The following TTLL6 variants were observed in gnomAD, a reference collection of about 807,000 sequenced individuals.
The protein encoded by TTLL6 is tubulin tyrosine ligase like 6.
TTLL6 carries 75 observed loss-of-function variants against 96.4 expected under a neutral mutation model. The ratio of observed to expected loss-of-function variants is 0.78; its 90% CI spans 0.65 to 0.94. TTLL6 has a LOEUF of 0.94. TTLL6 is among the 40% of genes least tolerant of loss of function. TTLL6 has a pLI of 0.00. For missense variants in TTLL6, 1,030 were observed against 1,093.0 expected, an observed-to-expected ratio of 0.94 and a Z score of 0.81; for synonymous variants, 411 against 419.4, an observed-to-expected ratio of 0.98 and a Z score of 0.24.
At chr17:48,794,280 T>A in intron 8 of TTLL6, 3 of 1,613,730 alleles carry the variant, frequency 1.9e-6, no homozygotes, top group Admixed American at 1.7e-5. Context: ...CCAATTCTCA[T>A]TGGAGGAGGA....
At position 48,769,104 on chromosome 17, in the gene TTLL6, A is replaced by T. The variant is rs1012993784; in HGVS notation, c.2561T>A (p.Leu854Gln). Residue 854 changes from leucine (L) to glutamine (Q), a missense_variant, in exon 15 of 16, where the codon CTG becomes CAG. Leu to Gln is a moderately radical substitution (Grantham distance 113). Transcript: ENST00000393382. ...GTGGCTTCTACAAGGCCTTGGATCCAGTTGGGCTGGAGTGGCAATCACCAG... is the reference window on the plus strand; with the variant it reads ...GTGGCTTCTACAAGGCCTTGGATCCTGTTGGGCTGGAGTGGCAATCACCAG... ...DLLVIATPAQLDPRPCRSHAS... is the reference protein window; with the variant it reads ...DLLVIATPAQQDPRPCRSHAS... The T allele has an allele frequency of 6.2e-7, 1 of 1,614,076 alleles. No individual in the cohort carries two copies. Among genetic ancestry groups the T allele is most frequent in the African/African-American group, 1.3e-5 (1 of 74,928 alleles).
intron 8 of TTLL6, chr17:48,794,158 G>T: frequency 6.2e-7 from 1 of 1,612,800 alleles, no homozygotes; most frequent in South Asian, 1.1e-5. Flanking sequence ...AAGAGGACAG[G>T]GGAAATGGAA....
chr17:48,797,647 C>T (rs1334672467), intron 6 of TTLL6, among the ~76,000 whole-genome samples: 2 of 151,880 alleles, frequency 1.3e-5, no homozygotes, highest in African/African-American at 2.4e-5. Flanking sequence ...ATTTGCCAGG[C>T]GCGGTGGTGG....
intron 13 of TTLL6, among the ~76,000 whole-genome samples, chr17:48,781,475 A>AT (rs1353359942): frequency 6.6e-6 from 1 of 151,972 alleles, no homozygotes; most frequent in African/African-American, 2.4e-5. Flanking sequence ...TCTGTTTTTC[A>AT]TTTTTTTAAA....
chr17:48,813,622 G>A (rs954352365), intron 1 of TTLL6, among the ~76,000 whole-genome samples: 7 of 152,098 alleles, frequency 4.6e-5, no homozygotes, highest in African/African-American at 1.7e-4. Flanking sequence ...TTTCCTTAAA[G>A]TCAACTGCTT....
chr17:48,803,970 C>T, intron 2 of TTLL6, 42 bp from the exon 3 acceptor site: 3 of 1,547,474 alleles, frequency 1.9e-6, no homozygotes, highest in Non-Finnish European at 2.6e-6. Flanking sequence ...GACAGAGACA[C>T]ACTTGCCAGA....
At chr17:48,794,533 CAG>C (rs1321810413) in intron 8 of TTLL6, among the ~76,000 whole-genome samples, 1 of 152,134 alleles carries the variant, frequency 6.6e-6, no homozygotes, top group Non-Finnish European at 1.5e-5. Flanking sequence ...CTAGACCTCC[CAG>C]AGTGCCACGC....
Position 48,810,848 on chromosome 17 carries a change from T to C in TTLL6, c.104-5857A>G, listed in dbSNP as rs1053626777. ...GTGTATATATATATATATATATATA[T>C]ATATATAGTATGTGTGTGTATATAT... On this transcript the variant is annotated intron_variant, in intron 1 of 15. Coordinates refer to ENST00000393382, the MANE Select transcript of TTLL6 (RefSeq NM_001130918.3). Among the ~76,000 whole-genome samples the C allele has an allele frequency of 9.1e-3, 1,074 of 118,292 alleles. 2 individuals are homozygous for C. Among genetic ancestry groups the C allele is most frequent in the East Asian group, 0.086 (146 of 1,700 alleles). The allele number at this position is 118,292 out of a possible 152,430, so 77.6% of individuals were successfully genotyped here.
rs199897823 is a variant in TTLL6, at chr17:48,786,251, T to G, written c.1674A>C (p.Ala558=). The G allele has an allele frequency of 8.7e-6, 14 of 1,614,248 alleles. No homozygotes were observed. The East Asian group carries it at 3.1e-4, about 36-fold the overall frequency. The change falls in exon 12 of 16, where the codon GCA becomes GCC. Residue 558 remains alanine (A), a synonymous_variant. Coordinates refer to ENST00000393382, the MANE Select transcript of TTLL6 (RefSeq NM_001130918.3). ...KKKVEMQGES[A]GEQVRKKGMR... The stretch of plus-strand genomic sequence containing the variant: ...TGCCCTTCTTTCTCACTTGCTCGCC[T>G]GCCGATTCCCCCTGCATCTCTACCT...
chr17:48,795,649 A>G (rs913714085), intron 8 of TTLL6, among the ~76,000 whole-genome samples: 1 of 152,176 alleles, frequency 6.6e-6, no homozygotes, highest in Non-Finnish European at 1.5e-5. Flanking sequence ...AGAATCTCTA[A>G]TGGAGCAACG....
At chr17:48,803,986 T>A in intron 2 of TTLL6, 58 bp from the exon 3 acceptor site, 1 of 1,534,780 alleles carries the variant, frequency 6.5e-7, no homozygotes, top group South Asian at 1.2e-5. Flanking sequence ...CCAGAACAAG[T>A]GACTGTATCC....
At chr17:48,773,281 A>G (rs953309865) in intron 13 of TTLL6, among the ~76,000 whole-genome samples, 5 of 152,240 alleles carry the variant, frequency 3.3e-5, no homozygotes, top group African/African-American at 1.2e-4. Flanking sequence ...GCAGCAAAAG[A>G]TTTTGAATAA....
chr17:48,794,131 A>G, intron 8 of TTLL6: 1 of 1,602,086 alleles, frequency 6.2e-7, no homozygotes. Flanking sequence ...GTGGGGTGAG[A>G]GGGAGATGAA....
In TTLL6 at chr17:48,786,229, CCTT is replaced by C; in HGVS notation, c.1693_1695del (p.Lys565del). ...TGTTTCTGTTGCCAGCCCCTCATGC[CCTT>C]CTTTCTCACTTGCTCGCCTGCCGAT... is the stretch of plus-strand genomic sequence containing the variant. On this transcript the variant is annotated inframe_deletion, in exon 12 of 16. Transcript: ENST00000393382. 2 of 1,614,198 alleles carry C rather than the reference CCTT, an allele frequency of 1.2e-6. No homozygotes were observed. Among genetic ancestry groups the C allele is most frequent in the Non-Finnish European group, 1.7e-6 (2 of 1,180,038 alleles).
At position 48,803,234 on chromosome 17, in the gene TTLL6, C is replaced by T. The variant is rs539832912; in HGVS notation, c.361+657G>A. Among the ~76,000 whole-genome samples, 27 of 152,214 alleles carry T rather than the reference C, an allele frequency of 1.8e-4. No individual in the cohort carries two copies. In the South Asian group the frequency reaches 5.6e-3, roughly 32 times the overall value. Reference sequence around the variant, plus strand: ...CAAGAGCCGGGCACAGTGGCTCACACCTATAATCCCAGCACTTTGGGAGGC... The same window carrying T: ...CAAGAGCCGGGCACAGTGGCTCACATCTATAATCCCAGCACTTTGGGAGGC... On this transcript the variant is annotated intron_variant, in intron 3 of 15. Coordinates refer to ENST00000393382, the MANE Select transcript of TTLL6 (RefSeq NM_001130918.3).
intron 13 of TTLL6, 137 bp from the exon 14 acceptor site, chr17:48,770,234 T>G: frequency 2.4e-6 from 3 of 1,234,568 alleles, no homozygotes; most frequent in Non-Finnish European, 3.3e-6. Context: ...GCTCAAGTGA[T>G]GCTCCTGCCT....
intron 14 of TTLL6, 95 bp from the exon 15 acceptor site, chr17:48,769,349 T>A: frequency 7.1e-7 from 1 of 1,406,374 alleles, no homozygotes; most frequent in Non-Finnish European, 9.6e-7. Context: ...TCCCATGGCC[T>A]GTAACTGCCA....
intron 13 of TTLL6, among the ~76,000 whole-genome samples, chr17:48,770,347 A>G (rs1303378184): frequency 4.6e-5 from 7 of 151,984 alleles, no homozygotes; most frequent in Non-Finnish European, 8.8e-5. Context: ...CATTAGCAGC[A>G]AGAAAGATTA....
chr17:48,800,041 T>C, intron 5 of TTLL6: 1 of 388,926 alleles, frequency 2.6e-6, no homozygotes, highest in Non-Finnish European at 4.8e-6. Flanking sequence ...AACTTCATCA[T>C]CTATACAGTG....
Sources: allele counts gnomAD v4.1 joint callset (sites outside exome capture counted in the v4.1 genomes callset), GRCh38; gene constraint gnomAD v4.1.1; transcripts MANE v1.5; gene names NCBI Gene and HGNC (gene_info 2026-07-23, HGNC 2026-07-21).